The following EYA2 variants were observed in gnomAD, a reference collection of about 807,000 sequenced individuals.
EYA2 encodes the protein protein phosphatase EYA2.
In EYA2, 31 loss-of-function variants were observed where a neutral mutation model predicts 69.2. The observed-to-expected ratio is 0.45, with a 90% CI of 0.34 to 0.60. EYA2 has a LOEUF of 0.60. Among genes scored for constraint, EYA2 ranks in the 20% least tolerant of loss-of-function variants. EYA2 has a pLI of 0.02. For synonymous variants in EYA2, 257 were observed against 279.4 expected (o/e 0.92, Z 0.80); for missense variants, 622 against 701.2 (o/e 0.89, Z 1.28).
chr20:47,031,788 ATC>A (rs965073440), intron 5 of EYA2, among the ~76,000 whole-genome samples: 3 of 152,104 alleles, frequency 2.0e-5, no homozygotes, highest in African/African-American at 7.2e-5. Flanking sequence ...CATAGATGAA[ATC>A]TCTCTGCCAT....
chr20:47,037,137 CCAT>C (rs146032716), intron 5 of EYA2, among the ~76,000 whole-genome samples: 7,781 of 152,192 alleles, frequency 0.051, 270 homozygotes, highest in Non-Finnish European at 0.076. Flanking sequence ...CTTTATAAAA[CCAT>C]CAGATCTCAT....
In EYA2 at chr20:47,144,305, G is replaced by A. The variant is rs1371879830; in HGVS notation, c.978+1157G>A. Among the ~76,000 whole-genome samples the A allele has an allele frequency of 2.0e-5, 3 of 149,140 alleles. No individual in the cohort carries two copies. The East Asian group carries it at 5.9e-4, about 29-fold the overall frequency. On this transcript the variant is annotated intron_variant, in intron 10 of 15. Coordinates refer to ENST00000327619, the MANE Select transcript of EYA2 (RefSeq NM_005244.5). The stretch of plus-strand genomic sequence containing the variant: ...CGGAAGGCGGACCTTGCGGTGAGCA[G>A]AGATCGTGCCACTGCACTCCAGCCT...
intron 10 of EYA2, among the ~76,000 whole-genome samples, chr20:47,163,122 TG>T (rs913812751): frequency 3.3e-5 from 5 of 151,838 alleles, no homozygotes; most frequent in Admixed American, 2.6e-4. Context: ...CTCCACCTCC[TG>T]GGCTCAAGCG....
intron 1 of EYA2, among the ~76,000 whole-genome samples, chr20:46,913,521 C>G (rs76583136): frequency 0.022 from 3,282 of 152,218 alleles, 60 homozygotes; most frequent in Non-Finnish European, 0.032. Flanking sequence ...ACTCCTCTGG[C>G]TGCCAAGAGA....
At chr20:47,138,829 C>G (rs538289749) in intron 9 of EYA2, among the ~76,000 whole-genome samples, 1 of 152,218 alleles carries the variant, frequency 6.6e-6, no homozygotes, top group South Asian at 2.1e-4. Context: ...GTTCCTTCCT[C>G]TCTGCCTTCT....
At chr20:47,164,970 C>T (rs1409239725) in intron 10 of EYA2, among the ~76,000 whole-genome samples, 1 of 152,138 alleles carries the variant, frequency 6.6e-6, no homozygotes, top group Non-Finnish European at 1.5e-5. Flanking sequence ...CGGCCTGGCT[C>T]CCTCACCCCT....
At chr20:46,945,048 GAGCCTAGATCAAGCCACTCCACTCC>G (rs564506637) in intron 1 of EYA2, among the ~76,000 whole-genome samples, 232 of 152,024 alleles carry the variant, frequency 1.5e-3, no homozygotes, top group African/African-American at 5.4e-3. Flanking sequence ...AGGTTGCAGT[GAGCCTAGATCAAGCCACTCCACTCC>G]AGCCTGAGTG....
At chr20:47,139,306 A>T (rs988678567) in intron 9 of EYA2, among the ~76,000 whole-genome samples, 1 of 152,264 alleles carries the variant, frequency 6.6e-6, no homozygotes, top group African/African-American at 2.4e-5. Context: ...TTTAATATTC[A>T]TAGTTCTACA....
intron 1 of EYA2, among the ~76,000 whole-genome samples, chr20:46,939,829 C>G (rs1986079142): frequency 6.6e-6 from 1 of 152,178 alleles, no homozygotes; most frequent in Non-Finnish European, 1.5e-5. Context: ...AGTTATGCCA[C>G]TTATTACTGC....
intron 5 of EYA2, among the ~76,000 whole-genome samples, chr20:47,051,833 C>T (rs1317106607): frequency 3.9e-5 from 6 of 152,190 alleles, no homozygotes; most frequent in Non-Finnish European, 7.3e-5. Flanking sequence ...AAGGAGTCAC[C>T]GACCTTGCTC....
At chr20:47,115,154 C>A (rs1386118762) in intron 9 of EYA2, among the ~76,000 whole-genome samples, 2 of 152,182 alleles carry the variant, frequency 1.3e-5, no homozygotes, top group Non-Finnish European at 2.9e-5. Context: ...CTCCTGCCCA[C>A]CTCCCAACTG....
intron 15 of EYA2, among the ~76,000 whole-genome samples, chr20:47,186,885 C>T (rs2034653631): frequency 6.6e-6 from 1 of 152,070 alleles, no homozygotes; most frequent in Non-Finnish European, 1.5e-5. Context: ...TATACATGCA[C>T]ATATATATAC....
intron 5 of EYA2, among the ~76,000 whole-genome samples, chr20:47,034,393 G>T (rs969287992): frequency 6.6e-6 from 1 of 152,178 alleles, no homozygotes; most frequent in Non-Finnish European, 1.5e-5. Flanking sequence ...AAAAGAATAG[G>T]CCAGGTAGTT....
intron 2 of EYA2, among the ~76,000 whole-genome samples, chr20:47,001,034 A>T (rs1982333444): frequency 6.6e-6 from 1 of 152,064 alleles, no homozygotes; most frequent in African/African-American, 2.4e-5. Context: ...CAGGAGTGGA[A>T]ATGGCACCAG....
chr20:46,986,830 G>A (rs1981255646), intron 1 of EYA2, among the ~76,000 whole-genome samples: 1 of 152,086 alleles, frequency 6.6e-6, no homozygotes, highest in Non-Finnish European at 1.5e-5. Context: ...ATTCATGAGG[G>A]ATCCATCCCT....
intron 5 of EYA2, among the ~76,000 whole-genome samples, chr20:47,056,324 T>G (rs1254752655): frequency 6.6e-6 from 1 of 152,044 alleles, no homozygotes; most frequent in African/African-American, 2.4e-5. Context: ...CCAGGAGGCT[T>G]TGTCTGCTTT....
intron 9 of EYA2, among the ~76,000 whole-genome samples, chr20:47,126,183 G>T (rs954029008): frequency 1.3e-5 from 2 of 152,200 alleles, no homozygotes; most frequent in Non-Finnish European, 2.9e-5. Context: ...ATTGCAAAGC[G>T]CGAGGCCAAA....
intron 7 of EYA2, among the ~76,000 whole-genome samples, chr20:47,082,849 A>G (rs1210434749): frequency 6.6e-6 from 1 of 152,216 alleles, no homozygotes; most frequent in Non-Finnish European, 1.5e-5. Context: ...ACTTAAGACA[A>G]TGCAGCACTG....
chr20:47,014,398 T>C (rs1213704066), intron 4 of EYA2, among the ~76,000 whole-genome samples: 1 of 152,120 alleles, frequency 6.6e-6, no homozygotes, highest in African/African-American at 2.4e-5. Flanking sequence ...TAAACAGCAA[T>C]GAGATACTGT....
Sources: gnomAD v4.1 joint callset for allele counts (sites outside exome capture counted in the v4.1 genomes callset) on GRCh38, gnomAD v4.1.1 for gene constraint, MANE v1.5 for transcripts, NCBI Gene and HGNC (gene_info 2026-07-23, HGNC 2026-07-21) for gene names.